Variants in FRMPD4 observed in about 807,000 individuals in gnomAD.
FRMPD4 encodes FERM and PDZ domain containing 4, also known as FERM and PDZ domain-containing protein 4.
Under a neutral mutation model 94.1 loss-of-function variants are expected in FRMPD4, and 22 were observed. The ratio of observed to expected loss-of-function variants is 0.23; its 90% CI spans 0.17 to 0.33. The LOEUF (loss-of-function observed/expected upper bound fraction) is 0.33. FRMPD4 is among the 10% of genes least tolerant of loss of function. FRMPD4 has a pLI of 1.00. For synonymous variants in FRMPD4, 631 were observed against 548.6 expected, an observed-to-expected ratio of 1.15 and a Z score of -2.10; for missense variants, 1,111 against 1,339.9, an observed-to-expected ratio of 0.83 and a Z score of 2.67.
intron 3 of FRMPD4, among the ~76,000 whole-genome samples, chrX:11,933,300 C>G (rs183618931): frequency 1.8e-4 from 20 of 112,199 alleles, no homozygotes; most frequent in Middle Eastern, 4.6e-3. Context: ...TTGTTTCACA[C>G]TAACCATGCC....
At chrX:11,988,552 G>A (rs1232668907) in intron 3 of FRMPD4, among the ~76,000 whole-genome samples, 1 of 111,229 alleles carries the variant, frequency 9.0e-6, no homozygotes, top group Non-Finnish European at 1.9e-5. Flanking sequence ...AGTAATTCCT[G>A]GGTGATACCA....
intron 3 of FRMPD4, among the ~76,000 whole-genome samples, chrX:12,133,218 A>G (rs1487078970): frequency 9.7e-6 from 1 of 103,615 alleles, no homozygotes; most frequent in Non-Finnish European, 2.0e-5. Flanking sequence ...AATTTATTTT[A>G]TTTTATTTTA....
At chrX:12,222,904 T>C (rs138665564) in intron 1 of FRMPD4, among the ~76,000 whole-genome samples, 349 of 112,340 alleles carry the variant, frequency 3.1e-3, no homozygotes, top group South Asian at 0.011. Context: ...ATTGGACATT[T>C]GGATTGTTTC....
intron 2 of FRMPD4, among the ~76,000 whole-genome samples, chrX:12,521,216 C>T (rs887116053): frequency 8.9e-6 from 1 of 111,912 alleles, no homozygotes; most frequent in Admixed American, 9.5e-5. Context: ...TTGCAGACTC[C>T]CGTTCTAGAG....
intron 3 of FRMPD4, among the ~76,000 whole-genome samples, chrX:11,887,642 C>T (rs763780855): frequency 5.3e-5 from 6 of 112,286 alleles, no homozygotes; most frequent in African/African-American, 6.5e-5. Flanking sequence ...ACCAGTCACA[C>T]CCGGGACAGA....
At chrX:12,115,749 G>A (rs2055403359) in intron 3 of FRMPD4, among the ~76,000 whole-genome samples, 1 of 109,425 alleles carries the variant, frequency 9.1e-6, no homozygotes, top group African/African-American at 3.3e-5. Flanking sequence ...TTTCATTCCT[G>A]CAGTGTCTTC....
intron 1 of FRMPD4, among the ~76,000 whole-genome samples, chrX:12,274,484 A>G (rs929118841): frequency 2.7e-5 from 3 of 112,617 alleles, no homozygotes; most frequent in African/African-American, 9.7e-5. Context: ...AAGCAAAGAA[A>G]CAACATGTTG....
At chrX:12,095,961 A>G (rs867058494) in intron 3 of FRMPD4, among the ~76,000 whole-genome samples, 18 of 111,676 alleles carry the variant, frequency 1.6e-4, no homozygotes, top group Middle Eastern at 9.2e-3. Context: ...TGATCTCAGG[A>G]TCTCTGCCTT....
chrX:11,987,122 A>AC (rs1281669534), intron 3 of FRMPD4, among the ~76,000 whole-genome samples: 16 of 95,120 alleles, frequency 1.7e-4, no homozygotes, highest in African/African-American at 5.5e-4. Flanking sequence ...AAAAAAAAAA[A>AC]AAAAAAACAA....
chrX:12,627,909 G>T (rs191446645), intron 4 of FRMPD4, among the ~76,000 whole-genome samples: 44 of 112,129 alleles, frequency 3.9e-4, no homozygotes, highest in Non-Finnish European at 7.1e-4. Context: ...GCCATGTTCT[G>T]TTCTTCCTTT....
intron 1 of FRMPD4, among the ~76,000 whole-genome samples, chrX:11,861,778 A>C (rs1405983648): frequency 2.7e-5 from 3 of 111,795 alleles, no homozygotes; most frequent in Admixed American, 9.5e-5. Context: ...GGTGAGGATA[A>C]GAGTTATGAG....
At chrX:12,477,442 C>G (rs2057617265) in intron 1 of FRMPD4, among the ~76,000 whole-genome samples, 1 of 112,190 alleles carries the variant, frequency 8.9e-6, no homozygotes, top group Non-Finnish European at 1.9e-5. Context: ...TACCCTAAAA[C>G]TTAAAGTATA....
At chrX:12,659,160 TC>T (rs1361052956) in intron 4 of FRMPD4, among the ~76,000 whole-genome samples, 1 of 111,924 alleles carries the variant, frequency 8.9e-6, no homozygotes, top group African/African-American at 3.2e-5. Flanking sequence ...AGGAGGTTCT[TC>T]CCCTTGACAG....
chrX:12,040,758 T>C (rs1354963521), intron 3 of FRMPD4, among the ~76,000 whole-genome samples: 1 of 108,251 alleles, frequency 9.2e-6, no homozygotes, highest in Non-Finnish European at 1.9e-5. Context: ...CTCAATCTGC[T>C]GATCTCGTGA....
chrX:12,262,305 G>C (rs914882825), intron 1 of FRMPD4, among the ~76,000 whole-genome samples: 1 of 111,197 alleles, frequency 9.0e-6, no homozygotes, highest in Non-Finnish European at 1.9e-5. Context: ...TTTAGAGACA[G>C]AGTCTCACTA....
chrX:11,915,373 T>G (rs1292761222), intron 3 of FRMPD4, among the ~76,000 whole-genome samples: 1 of 112,421 alleles, frequency 8.9e-6, no homozygotes, highest in Non-Finnish European at 1.9e-5. Context: ...AAAATAGTCT[T>G]ATTCCTCAGT....
At chrX:12,500,373 G>A (rs917805160) in intron 2 of FRMPD4, among the ~76,000 whole-genome samples, 6 of 111,567 alleles carry the variant, frequency 5.4e-5, no homozygotes, top group Admixed American at 1.9e-4. Context: ...CAACCCCCGC[G>A]CACCACCACA....
intron 2 of FRMPD4, among the ~76,000 whole-genome samples, chrX:12,554,257 A>G (rs1206234473): frequency 1.8e-5 from 2 of 111,977 alleles, no homozygotes; most frequent in African/African-American, 6.5e-5. Flanking sequence ...CACCACTAAC[A>G]AATTATATAT....
intron 1 of FRMPD4, among the ~76,000 whole-genome samples, chrX:12,397,411 A>G (rs1263625578): frequency 1.8e-5 from 2 of 112,038 alleles, no homozygotes; most frequent in Non-Finnish European, 3.8e-5. Context: ...AAAAAAATCA[A>G]CTGCAGCTAT....
Sources: allele counts gnomAD v4.1 joint callset (sites outside exome capture counted in the v4.1 genomes callset), GRCh38; gene constraint gnomAD v4.1.1; transcripts MANE v1.5; gene names NCBI Gene and HGNC (gene_info 2026-07-23, HGNC 2026-07-21).